ULK4: variants seen among roughly 807,000 people sequenced by gnomAD.
ULK4 encodes the protein inactive serine/threonine-protein kinase ULK4.
Under a neutral mutation model 160.6 loss-of-function variants are expected in ULK4, and 133 were observed. The ratio of observed to expected loss-of-function variants is 0.83; its 90% CI spans 0.72 to 0.96. The LOEUF is 0.96. ULK4 is among the 40% of genes least tolerant of loss of function. ULK4 has a pLI of 0.00. For missense variants in ULK4, 1,580 were observed against 1,499.5 expected (o/e 1.05, Z -0.89); for synonymous variants, 534 against 539.8 (o/e 0.99, Z 0.15).
chr3:41,275,482 C>T (rs1265590591), intron 35 of ULK4, among the ~76,000 whole-genome samples: 1 of 152,156 alleles, frequency 6.6e-6, no homozygotes, highest in East Asian at 1.9e-4. Context: ...AGAATGCCTA[C>T]AAGATCAAAG....
intron 32 of ULK4, among the ~76,000 whole-genome samples, chr3:41,518,211 T>C (rs2085815700): frequency 6.6e-6 from 1 of 152,184 alleles, no homozygotes; most frequent in Admixed American, 6.5e-5. Context: ...CTGGATTAAA[T>C]CCAACATTTG....
intron 36 of ULK4, among the ~76,000 whole-genome samples, chr3:41,248,587 G>T (rs1182430792): frequency 6.6e-6 from 1 of 152,206 alleles, no homozygotes; most frequent in Non-Finnish European, 1.5e-5. Context: ...TCTTAGCAAT[G>T]CTTCAGCCAC....
At chr3:41,626,052 A>G (rs2033490784) in intron 30 of ULK4, among the ~76,000 whole-genome samples, 1 of 152,104 alleles carries the variant, frequency 6.6e-6, no homozygotes, top group Non-Finnish European at 1.5e-5. Context: ...TTTCCCCTTT[A>G]ATGGTGCCAT....
intron 35 of ULK4, among the ~76,000 whole-genome samples, chr3:41,274,918 G>A (rs753912411): frequency 6.6e-6 from 1 of 152,148 alleles, no homozygotes; most frequent in Non-Finnish European, 1.5e-5. Flanking sequence ...ACAGCTACCC[G>A]ACTCTGCTAA....
intron 35 of ULK4, among the ~76,000 whole-genome samples, chr3:41,330,609 G>A (rs1226588012): frequency 6.6e-6 from 1 of 152,158 alleles, no homozygotes; most frequent in Non-Finnish European, 1.5e-5. Context: ...CCAAGTCATA[G>A]GCTGAGAAGC....
At chr3:41,752,015 G>A (rs2038647875) in intron 22 of ULK4, among the ~76,000 whole-genome samples, 1 of 152,094 alleles carries the variant, frequency 6.6e-6, no homozygotes, top group Non-Finnish European at 1.5e-5. Context: ...GAGGAACAGG[G>A]GTATTATTTC....
At chr3:41,399,600 ATCTC>A (rs2082135993) in intron 34 of ULK4, among the ~76,000 whole-genome samples, 1 of 151,932 alleles carries the variant, frequency 6.6e-6, no homozygotes, top group Admixed American at 6.6e-5. Context: ...GGGAGACAGC[ATCTC>A]TCTCTGTCAC....
intron 24 of ULK4, 65 bp downstream of exon 24, chr3:41,715,382 C>CT: frequency 6.2e-7 from 1 of 1,612,112 alleles, no homozygotes; most frequent in Non-Finnish European, 8.5e-7. Context: ...GTTGAGGATT[C>CT]TCAGCTCCAG....
chr3:41,385,759 A>T (rs1437822043), intron 35 of ULK4, among the ~76,000 whole-genome samples: 4 of 152,162 alleles, frequency 2.6e-5, no homozygotes, highest in Non-Finnish European at 5.9e-5. Context: ...CACAAATCTC[A>T]ATCAACTTGC....
intron 4 of ULK4, among the ~76,000 whole-genome samples, chr3:41,932,295 A>T (rs1699630136): frequency 6.6e-6 from 1 of 152,224 alleles, no homozygotes; most frequent in Admixed American, 6.5e-5. Context: ...ATGAAAATAA[A>T]ACAATCTGCC....
intron 34 of ULK4, among the ~76,000 whole-genome samples, chr3:41,411,420 C>CTTTT (rs556696303): frequency 0.026 from 3,752 of 142,986 alleles, 143 homozygotes; most frequent in African/African-American, 0.088. Flanking sequence ...ACATTCCTTT[C>CTTTT]TTTTTTTTTT....
At chr3:41,311,054 A>G (rs191867801) in intron 35 of ULK4, among the ~76,000 whole-genome samples, 172 of 152,034 alleles carry the variant, frequency 1.1e-3, no homozygotes, top group African/African-American at 4.0e-3. Flanking sequence ...GGGAGGGAAG[A>G]ACAAACATTA....
At chr3:41,475,882 A>T (rs1008123451) in intron 32 of ULK4, among the ~76,000 whole-genome samples, 1 of 151,472 alleles carries the variant, frequency 6.6e-6, no homozygotes, top group Admixed American at 6.6e-5. Flanking sequence ...GGAAGGGAGG[A>T]GAGAAGGAGG....
At chr3:41,424,638 T>G (rs1015697056) in intron 34 of ULK4, among the ~76,000 whole-genome samples, 2 of 151,878 alleles carry the variant, frequency 1.3e-5, no homozygotes, top group Non-Finnish European at 2.9e-5. Context: ...CCTAGGCAAA[T>G]AGGGTCTGGA....
rs950737629 is a variant in ULK4, at chr3:41,952,054, C to A, written c.138+2568G>T. 2.0e-5 allele frequency among the ~76,000 whole-genome samples: 3 copies of A among 152,094 alleles called. No individual in the cohort carries two copies. In the South Asian group the frequency reaches 6.2e-4, roughly 32 times the overall value. On this transcript the variant is annotated intron_variant, in intron 2 of 36. Coordinates refer to ENST00000301831, the MANE Select transcript of ULK4 (RefSeq NM_017886.4). ...GGAACACCACATAGAAAATTTAACT[C>A]AAAATGAGTCAAATATCACTGAGGT...
At chr3:41,271,108 T>A (rs547210991) in intron 35 of ULK4, among the ~76,000 whole-genome samples, 1 of 152,292 alleles carries the variant, frequency 6.6e-6, no homozygotes, top group East Asian at 1.9e-4. Flanking sequence ...AACTATACAA[T>A]TTGCTAAGTT....
chr3:41,948,778 A>G (rs936532063), intron 2 of ULK4, among the ~76,000 whole-genome samples: 3 of 152,000 alleles, frequency 2.0e-5, no homozygotes, highest in Admixed American at 6.6e-5. Context: ...TCTCAACATA[A>G]TAAAAGTCAT....
chr3:41,875,929 A>G (rs1428785794), intron 17 of ULK4, among the ~76,000 whole-genome samples: 2 of 150,564 alleles, frequency 1.3e-5, no homozygotes, highest in Non-Finnish European at 3.0e-5. Context: ...GAGTTCAAAT[A>G]TGAAGTACCC....
intron 31 of ULK4, among the ~76,000 whole-genome samples, chr3:41,614,614 G>C (rs1231116265): frequency 2.0e-5 from 3 of 152,108 alleles, no homozygotes; most frequent in African/African-American, 7.2e-5. Context: ...CATCAAGGCA[G>C]CTGTCATCTT....
Sources: gnomAD v4.1 joint callset for allele counts (sites outside exome capture counted in the v4.1 genomes callset) on GRCh38, gnomAD v4.1.1 for gene constraint, MANE v1.5 for transcripts, NCBI Gene and HGNC (gene_info 2026-07-23, HGNC 2026-07-21) for gene names.